The following XPC variants were observed in gnomAD, a reference collection of about 807,000 sequenced individuals.
XPC encodes the protein XPC complex subunit, DNA damage recognition and repair factor.
A neutral mutation model predicts 95.8 loss-of-function variants in XPC; 76 were observed. The observed-to-expected ratio is 0.79, with a 90% CI of 0.66 to 0.96. The LOEUF (loss-of-function observed/expected upper bound fraction) is 0.96, where lower values mean the gene tolerates loss of function less well. XPC is among the 40% of genes least tolerant of loss of function. The pLI is 0.00. For synonymous variants in XPC, 442 were observed against 442.1 expected, an observed-to-expected ratio of 1.00 and a Z score of 0.00; for missense variants, 1,146 against 1,179.8, an observed-to-expected ratio of 0.97 and a Z score of 0.42.
In XPC at chr3:14,158,857, A is replaced by T; in HGVS notation, c.1026T>A (p.Asp342Glu). The change falls in exon 9 of 16, where the codon GAT becomes GAA. Residue 342 changes from aspartate to glutamate, a missense_variant. By Grantham distance (45) the Asp-to-Glu change is conservative. Coordinates refer to ENST00000285021, the MANE Select transcript of XPC (RefSeq NM_004628.5). The surrounding 1 kb of genome is among the most constrained non-coding windows in gnomAD (Gnocchi z 5.2). ...TGGAAGTTTCTGAGGAGCCTCCTGG[A>T]TCCGCAGTCAATCTTTCCTTGGAAG... Reference protein sequence around the residue: ...KKPSKERLTADPGGSSETSSQ... With the variant: ...KKPSKERLTAEPGGSSETSSQ... 6.2e-7 allele frequency: 1 copy of T among 1,613,900 alleles called. No individual in the cohort carries two copies. Among genetic ancestry groups the T allele is most frequent in the South Asian group, 1.1e-5 (1 of 91,078 alleles).
At position 14,158,432 on chromosome 3, in the gene XPC, G is replaced by C. The variant is rs532397414; in HGVS notation, c.1451C>G (p.Ser484Cys). 1 of 1,613,754 alleles carries C rather than the reference G, an allele frequency of 6.2e-7. No individual in the cohort carries two copies. Among genetic ancestry groups the C allele is most frequent in the Non-Finnish European group, 8.5e-7 (1 of 1,179,814 alleles). ...ACGATGGCTCCCACGATGGGTCCTG[G>C]AGGCACTCTTGGACCCAGCCTTTGT... Reference protein sequence around the residue: ...QRTKAGSKSASRTHRGSHRKD... With the variant: ...QRTKAGSKSACRTHRGSHRKD... Residue 484 changes from serine to cysteine, a missense_variant, in exon 9 of 16, where the codon TCC becomes TGC. Physicochemically the swap from Ser to Cys is moderately radical, Grantham distance 112. Coordinates refer to ENST00000285021, the MANE Select transcript of XPC (RefSeq NM_004628.5). The surrounding 1 kb of genome is among the most constrained non-coding windows in gnomAD (Gnocchi z 5.2).
chr3:14,168,177 A>G (rs1696461201), intron 4 of XPC, 80 bp downstream of exon 4: 6 of 1,495,494 alleles, frequency 4.0e-6, no homozygotes, highest in Admixed American at 2.6e-5. Context: ...GTCCCCTACA[A>G]GTTTCTCCAA....
At chr3:14,163,406 T>C (rs1410382176) in intron 7 of XPC, among the ~76,000 whole-genome samples, 2 of 152,234 alleles carry the variant, frequency 1.3e-5, no homozygotes, top group Non-Finnish European at 2.9e-5. Context: ...TGTAATGGAA[T>C]ATTATTCAGC....
At chr3:14,170,125 G>A (rs977307219) in intron 3 of XPC, among the ~76,000 whole-genome samples, 1 of 152,228 alleles carries the variant, frequency 6.6e-6, no homozygotes, top group African/African-American at 2.4e-5. Context: ...CCACCTAAGT[G>A]GCAAAGTTGA....
chr3:14,152,617 C>T, intron 10 of XPC: 2 of 530,850 alleles, frequency 3.8e-6, no homozygotes, highest in South Asian at 5.2e-5. Flanking sequence ...GGGGATGTGT[C>T]CACTTACAAA....
In XPC at chr3:14,158,519, G is replaced by T. The variant is rs1250392676; in HGVS notation, c.1364C>A (p.Pro455His). The T allele has an allele frequency of 6.8e-6, 11 of 1,612,428 alleles. No individual in the cohort carries two copies. The highest frequency in any genetic ancestry group is 1.7e-6 in the Non-Finnish European group (2 of 1,179,146). The change falls in exon 9 of 16, where the codon CCC (proline) becomes CAC (histidine). Residue 455 changes from proline (P) to histidine (H), a missense_variant. Pro to His is a moderately conservative substitution (Grantham distance 77). Coordinates refer to ENST00000285021, the MANE Select transcript of XPC (RefSeq NM_004628.5). The surrounding 1 kb of genome is among the most constrained non-coding windows in gnomAD (Gnocchi z 5.2). ...GCCAGGTTCGGAATCCTCATCAGAG[G>T]GATCAGAGGCTTCTCCACTGGAGAG... ...FELSSGEASD[P>H]SDEDSEPGPP...
Position 14,167,268 on chromosome 3 carries a change from G to GA in XPC, c.537-16dup, listed in dbSNP as rs755812525. The GA allele has an allele frequency of 4.4e-6, 7 of 1,604,714 alleles. No homozygotes were observed. Among genetic ancestry groups the GA allele is most frequent in the Non-Finnish European group, 1.7e-6 (2 of 1,175,480 alleles). ...TTATCTTTTCACTGCAACAAATAGT[G>GA]AAAAATCTGGGAATGAAGGGGGGAA... On this transcript the variant is annotated splice_polypyrimidine_tract_variant and intron_variant, in intron 4 of 15. Transcript: ENST00000285021.
At chr3:14,154,588 A>G (rs1284286401) in intron 10 of XPC, among the ~76,000 whole-genome samples, 2 of 152,160 alleles carry the variant, frequency 1.3e-5, no homozygotes, top group Admixed American at 6.5e-5. Context: ...ATGGGTCCCT[A>G]TAGTAGGCAC....
chr3:14,152,475 C>T (rs552368597), intron 10 of XPC, 59 bp from the exon 11 acceptor site: 11 of 1,516,098 alleles, frequency 7.3e-6, no homozygotes, highest in African/African-American at 6.9e-5. Flanking sequence ...TGCGGGAATG[C>T]GGGACAGTGG....
intron 9 of XPC, among the ~76,000 whole-genome samples, chr3:14,157,153 A>C (rs1162800459): frequency 6.6e-6 from 1 of 152,200 alleles, no homozygotes; most frequent in Non-Finnish European, 1.5e-5. Context: ...TAGGTTAGTT[A>C]CGATACCATC....
intron 7 of XPC, among the ~76,000 whole-genome samples, chr3:14,163,779 T>TA (rs1223359344): frequency 6.6e-6 from 1 of 152,098 alleles, no homozygotes; most frequent in African/African-American, 2.4e-5. Flanking sequence ...ACAAAACAAA[T>TA]ACATACGTAC....
intron 9 of XPC, 116 bp downstream of exon 9, chr3:14,157,895 G>A (rs1695982829): frequency 7.3e-7 from 1 of 1,377,884 alleles, no homozygotes; most frequent in African/African-American, 1.4e-5. Context: ...ACAATTAAAT[G>A]AGACAACCCA....
intron 7 of XPC, among the ~76,000 whole-genome samples, chr3:14,160,286 G>C (rs1696116611): frequency 6.6e-6 from 1 of 152,190 alleles, no homozygotes. Context: ...GAAGTAGAAA[G>C]TATCATTATC....
At chr3:14,147,572 A>G (rs1410312703) in intron 14 of XPC, 193 bp from the exon 15 acceptor site, 4 of 634,194 alleles carry the variant, frequency 6.3e-6, no homozygotes, top group Non-Finnish European at 8.1e-6. Flanking sequence ...AAAGCCACAA[A>G]AACAGATAAC....
chr3:14,178,595 C>G lies in XPC; in HGVS notation c.-27G>C, dbSNP rs2607775. 733,359 of 1,612,026 alleles carry G rather than the reference C, an allele frequency of 0.45. 172,975 individuals carry two copies. Among genetic ancestry groups the G allele is most frequent in the Non-Finnish European group, 0.48 (571,406 of 1,179,334 alleles). ...TTGCTTGTCTGGGCAAATTCCACTT[C>G]GCGAGTGACGCACCCGGCCGCGATG... is the stretch of plus-strand genomic sequence containing the variant. On this transcript the variant is annotated 5_prime_UTR_variant, in exon 1 of 16. Coordinates refer to ENST00000285021, the MANE Select transcript of XPC (RefSeq NM_004628.5).
chr3:14,169,325 C>T (rs1696517370), intron 3 of XPC, among the ~76,000 whole-genome samples: 1 of 152,050 alleles, frequency 6.6e-6, no homozygotes, highest in African/African-American at 2.4e-5. Flanking sequence ...AATTACATGT[C>T]TTTGGACTTA....
rs774833865 is a variant in XPC, at chr3:14,148,707, C to T, written c.2275G>A (p.Val759Met). The T allele has an allele frequency of 2.2e-5, 35 of 1,614,048 alleles. No homozygotes were observed. The South Asian group carries it at 3.6e-4, about 17-fold the overall frequency. Residue 759 changes from valine to methionine, a missense_variant, in exon 13 of 16, where the codon GTG becomes ATG. Transcript: ENST00000285021. ...ATCATGCTGGGCAGGAAGAGGTACA[C>T]ATTCCCAAACTCGTTCCGGGGCACC... ...GKVPRNEFGN[V>M]YLFLPSMMPI...
rs537529411 is a variant in XPC at position 14,165,059 on chromosome 3, G to A, written c.780-126C>T. The A allele has an allele frequency of 4.6e-5, 63 of 1,370,102 alleles. No individual in the cohort carries two copies. In the African/African-American group the frequency reaches 7.3e-4, roughly 16 times the overall value. 84.9% of individuals were successfully genotyped at this position (1,370,102 alleles called of 1,614,324 possible). ...GCCTGCCTCTGTCCTACTTTCCCCA[G>A]CCCGTCTAGCTAACTCCTATCATCA... is the stretch of plus-strand genomic sequence containing the variant. On this transcript the variant is annotated intron_variant, in intron 6 of 15. Transcript: ENST00000285021.
In XPC at chr3:14,158,931, CCT is replaced by C. The variant is rs542019017; in HGVS notation, c.991-41_991-40del. On this transcript the variant is annotated intron_variant, in intron 8 of 15. Transcript: ENST00000285021. This position sits in a 1 kb window ranked among gnomAD's most constrained non-coding sequence, Gnocchi z 5.2. The stretch of plus-strand genomic sequence containing the variant: ...AGAAATTTTGCTTTTTTTTCTCCCC[CCT>C]CTTTTGCTAATGATATGATAGAAAT... The C allele has an allele frequency of 1.4e-4, 220 of 1,611,334 alleles. 2 individuals are homozygous for C. In the African/African-American group the frequency reaches 2.2e-3, roughly 16 times the overall value.
Sources: allele counts gnomAD v4.1 joint callset (sites outside exome capture counted in the v4.1 genomes callset), GRCh38; gene constraint gnomAD v4.1.1; non-coding constraint Gnocchi (gnomAD v3.1); transcripts MANE v1.5; gene names NCBI Gene and HGNC (gene_info 2026-07-23, HGNC 2026-07-21).